DCP1B: variants seen among roughly 807,000 people sequenced by gnomAD.
The protein encoded by DCP1B is decapping mRNA 1B, also known as mRNA-decapping enzyme 1B.
DCP1B carries 47 observed loss-of-function variants against 60.5 expected under a neutral mutation model. The ratio of observed to expected loss-of-function variants is 0.78; its 90% confidence interval spans 0.61 to 0.99. DCP1B has a LOEUF of 0.99. Ranked by LOEUF, DCP1B falls within the 50% of genes least tolerant of loss-of-function variation. DCP1B has a pLI of 0.00. For missense variants in DCP1B, 725 were observed against 756.8 expected, an observed-to-expected ratio of 0.96 and a Z score of 0.49; for synonymous variants, 267 against 280.3, an observed-to-expected ratio of 0.95 and a Z score of 0.47.
intron 8 of DCP1B, among the ~76,000 whole-genome samples, chr12:1,947,295 C>A (rs1329405419): frequency 6.6e-6 from 1 of 152,196 alleles, no homozygotes; most frequent in Non-Finnish European, 1.5e-5. Flanking sequence ...ACTTCACATT[C>A]CCCCTTCATT....
chr12:1,999,869 A>G (rs2041792080), intron 1 of DCP1B, among the ~76,000 whole-genome samples: 1 of 152,252 alleles, frequency 6.6e-6, no homozygotes, highest in Admixed American at 6.5e-5. Flanking sequence ...ACTGTGAAAC[A>G]TATCCTTATT....
At chr12:1,981,771 A>C (rs1161057046) in intron 3 of DCP1B, among the ~76,000 whole-genome samples, 1 of 152,240 alleles carries the variant, frequency 6.6e-6, no homozygotes, top group Non-Finnish European at 1.5e-5. Flanking sequence ...CAGGGGACTC[A>C]CAAAAACATC....
At chr12:1,992,071 C>A in intron 3 of DCP1B, 1 of 369,548 alleles carries the variant, frequency 2.7e-6, no homozygotes, top group South Asian at 2.6e-5. Context: ...AGGAAAGGGT[C>A]CTGGAGTTGG....
At chr12:1,985,600 T>C (rs2037463769) in intron 3 of DCP1B, among the ~76,000 whole-genome samples, 1 of 152,198 alleles carries the variant, frequency 6.6e-6, no homozygotes, top group Admixed American at 6.5e-5. Flanking sequence ...TGGCTACTGA[T>C]TTTTTCCTTG....
rs186863652 is a variant in DCP1B, at chr12:1,946,387, A to T, written c.1774-101T>A. The T allele has an allele frequency of 9.9e-5, 79 of 795,830 alleles. No individual in the cohort carries two copies. The African/African-American group carries it at 1.2e-3, about 12-fold the overall frequency. 49.3% of individuals were successfully genotyped at this position (795,830 alleles called of 1,614,324 possible). On this transcript the variant is annotated intron_variant, in intron 8 of 8. Coordinates refer to ENST00000280665, the MANE Select transcript of DCP1B (RefSeq NM_152640.5). ...TGAACTGGCCTTTGGATACTGAGAC[A>T]CTCATCTCTCCCTGTCTAACAGCTG...
At chr12:1,965,530 T>C (rs368421095) in intron 5 of DCP1B, 28 bp downstream of exon 5, 41 of 1,600,594 alleles carry the variant, frequency 2.6e-5, no homozygotes, top group Non-Finnish European at 3.3e-5. Context: ...GAAGTGTGTA[T>C]GTATCACAAG....
intron 6 of DCP1B, among the ~76,000 whole-genome samples, chr12:1,954,533 A>G (rs1032373204): frequency 2.1e-5 from 2 of 93,024 alleles, no homozygotes; most frequent in Non-Finnish European, 4.1e-5. Flanking sequence ...ACTATTCTGA[A>G]GTGTATATAT....
At chr12:1,952,367 C>A in intron 7 of DCP1B, 49 bp downstream of exon 7, 2 of 1,453,006 alleles carry the variant, frequency 1.4e-6, no homozygotes, top group Non-Finnish European at 1.8e-6. Flanking sequence ...GGGACAGGAT[C>A]TTGCTATGCT....
intron 5 of DCP1B, among the ~76,000 whole-genome samples, chr12:1,958,781 C>T (rs1254500776): frequency 1.5e-5 from 2 of 134,068 alleles, no homozygotes; most frequent in South Asian, 2.5e-4. Flanking sequence ...AGCTCCCCAA[C>T]GTCGCTCTGG....
At chr12:1,965,817 C>T in intron 4 of DCP1B, 124 bp from the exon 5 acceptor site, 5 of 1,241,378 alleles carry the variant, frequency 4.0e-6, no homozygotes, top group Non-Finnish European at 4.2e-6. Flanking sequence ...AATAAGCTTG[C>T]TTAGGAATTT....
chr12:1,988,512 TGAG>T (rs767317552), intron 3 of DCP1B, among the ~76,000 whole-genome samples: 2 of 152,216 alleles, frequency 1.3e-5, no homozygotes, highest in Non-Finnish European at 2.9e-5. Flanking sequence ...TAACCCTCTG[TGAG>T]GAGGCAACGC....
chr12:1,994,893 C>T (rs1360192245), intron 2 of DCP1B, among the ~76,000 whole-genome samples: 1 of 151,942 alleles, frequency 6.6e-6, no homozygotes, highest in African/African-American at 2.4e-5. Context: ...AGCTCCATTC[C>T]CTGTAACAAG....
intron 2 of DCP1B, among the ~76,000 whole-genome samples, chr12:1,994,367 C>T (rs895300028): frequency 1.3e-5 from 2 of 152,174 alleles, no homozygotes; most frequent in African/African-American, 4.8e-5. Context: ...TTTTATTTTA[C>T]CTCTATTTGA....
At chr12:1,985,954 G>A (rs1279945938) in intron 3 of DCP1B, among the ~76,000 whole-genome samples, 1 of 152,154 alleles carries the variant, frequency 6.6e-6, no homozygotes, top group East Asian at 1.9e-4. Flanking sequence ...GGGACTGCAG[G>A]TGCCTGCCAC....
rs533872204 is a variant in DCP1B, at chr12:2,004,117, A to G, written c.150+165T>C. 11 of 968,962 alleles carry G rather than the reference A, an allele frequency of 1.1e-5. No homozygotes were observed. The African/African-American group carries it at 1.7e-4, about 15-fold the overall frequency. The allele number at this position is 968,962 out of a possible 1,614,324, so 60.0% of individuals were successfully genotyped here. Reference sequence around the variant, plus strand: ...CACAGATCCGCCTTCCTTCCCCCAAACCCCCGAGACCCCATCTCCACAACT... The same window carrying G: ...CACAGATCCGCCTTCCTTCCCCCAAGCCCCCGAGACCCCATCTCCACAACT... On this transcript the variant is annotated intron_variant, in intron 1 of 8. Transcript: ENST00000280665.
rs574563107 is a variant in DCP1B, at chr12:1,979,072, C to T, written c.320-11162G>A. Reference sequence around the variant, plus strand: ...TCACCCAGGCTGGAGTGCAATGGCGCGATCTTGGCTCACTGCTGCAACCTC... The same window carrying T: ...TCACCCAGGCTGGAGTGCAATGGCGTGATCTTGGCTCACTGCTGCAACCTC... On this transcript the variant is annotated intron_variant, in intron 3 of 8. Transcript: ENST00000280665. 4.6e-5 allele frequency among the ~76,000 whole-genome samples: 7 copies of T among 152,236 alleles called. No individual in the cohort carries two copies. The East Asian group carries it at 9.6e-4, about 21-fold the overall frequency.
At chr12:1,951,558 C>A (rs2030670231) in intron 7 of DCP1B, among the ~76,000 whole-genome samples, 1 of 152,148 alleles carries the variant, frequency 6.6e-6, no homozygotes, top group South Asian at 2.1e-4. Flanking sequence ...CCCTCTCTGG[C>A]AGTTTGTGTG....
At chr12:1,984,257 G>T (rs2036999809) in intron 3 of DCP1B, among the ~76,000 whole-genome samples, 1 of 151,924 alleles carries the variant, frequency 6.6e-6, no homozygotes, top group South Asian at 2.1e-4. Context: ...ACTTGGGTAG[G>T]TCTACCGTTT....
Position 1,952,777 on chromosome 12 carries a change from G to T in DCP1B, c.1163C>A (p.Pro388His). 1 of 1,614,182 alleles carries T rather than the reference G, an allele frequency of 6.2e-7. No homozygotes were observed. The highest frequency in any genetic ancestry group is 8.5e-7 in the Non-Finnish European group (1 of 1,180,034). ...TGGAGCCACAGGGGTGACAGAAGTG[G>T]GAGCTCTGCTGCGGTTCAGGGCAGC... ...SSAALNRSRA[P>H]TSVTPVAPGK... is the part of the protein sequence containing the mutation. Residue 388 changes from proline (P) to histidine (H), a missense_variant, in exon 7 of 9, where the codon CCC becomes CAC. Transcript: ENST00000280665.
Sources: gnomAD v4.1 joint callset for allele counts (sites outside exome capture counted in the v4.1 genomes callset) on GRCh38, gnomAD v4.1.1 for gene constraint, MANE v1.5 for transcripts, NCBI Gene and HGNC (gene_info 2026-07-23, HGNC 2026-07-21) for gene names.